The following TNS1 variants were observed in gnomAD, a reference collection of about 807,000 sequenced individuals.
TNS1 encodes tensin 1.
In TNS1, 62 loss-of-function variants were observed where a neutral mutation model predicts 168.6. The ratio of observed to expected loss-of-function variants is 0.37; its 90% CI spans 0.30 to 0.45. TNS1 has a LOEUF of 0.45. TNS1 is among the 20% of genes least tolerant of loss of function. The pLI is 1.00. For missense variants in TNS1, 2,240 were observed against 2,339.4 expected (o/e 0.96, Z 0.88); for synonymous variants, 934 against 933.2 (o/e 1.00, Z -0.02).
Position 217,848,040 on chromosome 2 carries a change from G to A in TNS1, c.2477C>T (p.Ser826Phe), listed in dbSNP as rs913987467. 3.9e-6 allele frequency: 6 copies of A among 1,527,192 alleles called. No homozygotes were observed. Among genetic ancestry groups the A allele is most frequent in the Non-Finnish European group, 5.3e-6 (6 of 1,137,480 alleles). 94.6% of individuals were successfully genotyped at this position (1,527,192 alleles called of 1,614,324 possible). A position where few individuals can be genotyped will look rare whatever the true frequency, so the allele number is the denominator to read the frequency against. ...PSLPEFPRAA[S>F]QQEIEQSIET... The stretch of plus-strand genomic sequence containing the variant: ...GATGGACTGTTCAATCTCCTGCTGG[G>A]AGGCTGCTCGCGGGAACTCAGGGAG... Residue 826 changes from serine to phenylalanine, a missense_variant, in exon 19 of 33, where the codon TCC becomes TTC. Ser to Phe is a radical substitution (Grantham distance 155). Around this residue, in one of 2 missense-constraint regions of TNS1, gnomAD observed 2,131 missense variants for 2,171.2 expected, o/e 0.98. Transcript: ENST00000682258.
At chr2:217,915,511 G>A (rs1200568960) in intron 4 of TNS1, among the ~76,000 whole-genome samples, 1 of 152,206 alleles carries the variant, frequency 6.6e-6, no homozygotes, top group East Asian at 1.9e-4. Context: ...CTGGCACTGA[G>A]GGGTCCTAAG....
intron 4 of TNS1, among the ~76,000 whole-genome samples, chr2:217,916,848 A>G (rs1407273713): frequency 6.6e-6 from 1 of 152,206 alleles, no homozygotes; most frequent in Non-Finnish European, 1.5e-5. Context: ...AGAGAGCTGG[A>G]ACTCAACTGA....
chr2:217,810,053 G>A, intron 29 of TNS1, 62 bp from the exon 30 acceptor site: 1 of 1,554,274 alleles, frequency 6.4e-7, no homozygotes, highest in Non-Finnish European at 8.8e-7. Flanking sequence ...CATTAACCCA[G>A]ATCCATTCTT....
intron 18 of TNS1, among the ~76,000 whole-genome samples, chr2:217,873,258 C>T (rs982346084): frequency 6.6e-6 from 1 of 152,110 alleles, no homozygotes; most frequent in African/African-American, 2.4e-5. Context: ...CCAAACTATA[C>T]CGCCATACAC....
intron 18 of TNS1, among the ~76,000 whole-genome samples, chr2:217,849,311 T>C (rs1240496150): frequency 6.6e-6 from 1 of 152,156 alleles, no homozygotes; most frequent in Non-Finnish European, 1.5e-5. Flanking sequence ...GGCCGGGCAG[T>C]GGAGCCCAAC....
chr2:217,978,647 G>A (rs1224808045), intron 3 of TNS1, 118 bp downstream of exon 3: 12 of 529,184 alleles, frequency 2.3e-5, no homozygotes, highest in Non-Finnish European at 3.1e-5. Flanking sequence ...TAAACAAAGA[G>A]AGGAGGAGGG....
At chr2:218,000,382 G>A (rs1001092969) in intron 1 of TNS1, among the ~76,000 whole-genome samples, 2 of 152,190 alleles carry the variant, frequency 1.3e-5, no homozygotes, top group African/African-American at 4.8e-5. Flanking sequence ...GTCAGCCCAG[G>A]AGTAGAGCCC....
intron 3 of TNS1, among the ~76,000 whole-genome samples, chr2:217,921,473 G>A (rs1015305942): frequency 9.9e-5 from 15 of 152,184 alleles, no homozygotes; most frequent in African/African-American, 3.1e-4. Flanking sequence ...CCAGCTGACC[G>A]CATGCTGTCA....
intron 3 of TNS1, among the ~76,000 whole-genome samples, chr2:217,937,590 G>T (rs1956686325): frequency 6.6e-6 from 1 of 152,210 alleles, no homozygotes; most frequent in Non-Finnish European, 1.5e-5. Flanking sequence ...TGCCAGAGTT[G>T]GGGGCAGGGC....
intron 3 of TNS1, among the ~76,000 whole-genome samples, chr2:217,976,362 G>A (rs992391317): frequency 6.6e-6 from 1 of 152,214 alleles, no homozygotes. Flanking sequence ...GCTCTGCTGT[G>A]GCTCTGTGGC....
Position 217,812,365 on chromosome 2 carries a change from T to C in TNS1, c.5032+3A>G. 6.2e-7 allele frequency: 1 copy of C among 1,613,640 alleles called. No individual in the cohort carries two copies. The highest frequency in any genetic ancestry group is 2.2e-5 in the East Asian group (1 of 44,862). ...TGGTGAGCCAGGAGTCTCACGTTCC[T>C]ACCTCGGTTTGGAATGACCAGCTTG... On this transcript the variant is annotated splice_donor_region_variant and intron_variant, in intron 28 of 32. Transcript: ENST00000682258.
intron 1 of TNS1, among the ~76,000 whole-genome samples, chr2:218,000,981 A>G (rs1958552637): frequency 6.6e-6 from 1 of 152,074 alleles, no homozygotes; most frequent in East Asian, 1.9e-4. Context: ...ATGAAACCCC[A>G]TCTCTACTAA....
chr2:217,913,833 C>T (rs762046622), intron 4 of TNS1, among the ~76,000 whole-genome samples: 7 of 152,150 alleles, frequency 4.6e-5, no homozygotes, highest in South Asian at 2.1e-4. Flanking sequence ...AGGCCTGTCA[C>T]GCTCATCCCT....
At chr2:217,859,523 G>A in intron 18 of TNS1, 1 of 892,906 alleles carries the variant, frequency 1.1e-6, no homozygotes, top group Non-Finnish European at 1.8e-6. Flanking sequence ...CTCCAGGAGG[G>A]GACAGGAGCC....
rs142991399 is a variant in TNS1, at chr2:217,999,349, A to G, written c.33+3491T>C. ...TCTAAATGTATGTGTGGATTAGCTC[A>G]TTCAAAACCGAACAACCCTATAGGT... On this transcript the variant is annotated intron_variant, in intron 1 of 32. Coordinates refer to ENST00000682258, the MANE Select transcript of TNS1 (RefSeq NM_001387777.1). Among the ~76,000 whole-genome samples the G allele has an allele frequency of 8.9e-3, 1,358 of 152,332 alleles. 28 individuals are homozygous for G. Among genetic ancestry groups the G allele is most frequent in the Non-Finnish European group, 8.3e-3 (564 of 68,026 alleles).
chr2:217,966,304 TGTGTGCGC>T (rs1433655709), intron 3 of TNS1, among the ~76,000 whole-genome samples: 119 of 137,478 alleles, frequency 8.7e-4, no homozygotes, highest in African/African-American at 2.9e-3. Flanking sequence ...TGTGTGTGTG[TGTGTGCGC>T]GCGCGCGCGT....
chr2:217,850,273 G>A (rs563324904), intron 18 of TNS1: 203 of 985,392 alleles, frequency 2.1e-4, no homozygotes, highest in Admixed American at 1.8e-3. Context: ...GAGGGGACAC[G>A]CTTTTCCTAT....
chr2:218,013,114 TG>T (rs1248941742), upstream of TNS1, among the ~76,000 whole-genome samples: 2 of 148,510 alleles, frequency 1.3e-5, no homozygotes, highest in Non-Finnish European at 3.0e-5. Context: ...AAATTAGCGG[TG>T]CGTGGTGGCA....
intron 3 of TNS1, among the ~76,000 whole-genome samples, chr2:217,930,345 C>A (rs746764347): frequency 6.6e-6 from 1 of 152,210 alleles, no homozygotes; most frequent in Non-Finnish European, 1.5e-5. Flanking sequence ...TCGGGGGTCA[C>A]AGAAAGTTTC....
Sources: allele counts gnomAD v4.1 joint callset (sites outside exome capture counted in the v4.1 genomes callset), GRCh38; gene constraint gnomAD v4.1.1; regional missense constraint gnomAD v4.1.1; transcripts MANE v1.5; gene names NCBI Gene and HGNC (gene_info 2026-07-23, HGNC 2026-07-21).